DGCR8: variants seen among roughly 807,000 people sequenced by gnomAD.
The protein encoded by DGCR8 is DGCR8 microprocessor complex subunit.
Under a neutral mutation model 78.5 loss-of-function variants are expected in DGCR8, and 14 were observed. The ratio of observed to expected loss-of-function variants is 0.18; its 90% CI spans 0.12 to 0.28. DGCR8 has a LOEUF of 0.28. DGCR8 is among the 10% of genes least tolerant of loss of function. DGCR8 has a pLI of 1.00. For synonymous variants in DGCR8, 399 were observed against 402.4 expected, an observed-to-expected ratio of 0.99 and a Z score of 0.10; for missense variants, 702 against 1,022.5, an observed-to-expected ratio of 0.69 and a Z score of 4.28.
chr22:20,081,616 G>A (rs2049419134), intron 1 of DGCR8, among the ~76,000 whole-genome samples: 1 of 152,172 alleles, frequency 6.6e-6, no homozygotes, highest in South Asian at 2.1e-4. Context: ...TCTTGTTGTA[G>A]CCCTCTCCTT....
intron 3 of DGCR8, among the ~76,000 whole-genome samples, chr22:20,088,013 G>A (rs1264808353): frequency 6.6e-6 from 1 of 152,094 alleles, no homozygotes; most frequent in Non-Finnish European, 1.5e-5. Flanking sequence ...TCGGTAGAGG[G>A]ACTGAAGAGA....
chr22:20,106,084 C>T, intron 9 of DGCR8, 93 bp from the exon 10 acceptor site: 2 of 950,532 alleles, frequency 2.1e-6, no homozygotes, highest in Non-Finnish European at 3.4e-6. Context: ...CAAGAACAGA[C>T]ATTAAGCATC....
intron 9 of DGCR8, among the ~76,000 whole-genome samples, chr22:20,104,263 C>T (rs2049743390): frequency 6.6e-6 from 1 of 151,544 alleles, no homozygotes; most frequent in South Asian, 2.1e-4. Context: ...TTCCCGGGTT[C>T]ACGCCATTCT....
At chr22:20,101,638 G>A (rs535343729) in intron 9 of DGCR8, 23 of 985,448 alleles carry the variant, frequency 2.3e-5, no homozygotes, top group Non-Finnish European at 2.8e-5. Flanking sequence ...CTGTCAGAGG[G>A]GAAAGTAGCT....
intron 9 of DGCR8, among the ~76,000 whole-genome samples, chr22:20,103,490 C>T (rs981496355): frequency 6.6e-6 from 1 of 152,134 alleles, no homozygotes; most frequent in Non-Finnish European, 1.5e-5. Context: ...CAGTTTTCTT[C>T]TCTAATTTGT....
At chr22:20,107,098 TG>T in intron 11 of DGCR8, 172 bp from the exon 12 acceptor site, 1 of 679,284 alleles carries the variant, frequency 1.5e-6, no homozygotes, top group Non-Finnish European at 2.6e-6. Flanking sequence ...AGGTGGCAGC[TG>T]GGTACTGTGA....
At chr22:20,102,374 G>A (rs1000414591) in intron 9 of DGCR8, among the ~76,000 whole-genome samples, 8 of 152,138 alleles carry the variant, frequency 5.3e-5, no homozygotes, top group South Asian at 2.1e-4. Flanking sequence ...TGACGCATCC[G>A]TCGTGTGGTC....
chr22:20,080,420 G>C, intron 1 of DGCR8, 37 bp downstream of exon 1: 1 of 978,440 alleles, frequency 1.0e-6, no homozygotes, highest in Non-Finnish European at 1.2e-6. Flanking sequence ...GCGGGCGGTT[G>C]GGCGGGCGCC....
At chr22:20,091,703 A>G (rs1257558926) in intron 6 of DGCR8, 71 bp downstream of exon 6, 19 of 1,572,644 alleles carry the variant, frequency 1.2e-5, no homozygotes, top group East Asian at 2.3e-5. Context: ...TGTTGAGGGC[A>G]TGTTTTATGA....
chr22:20,107,247 C>T, intron 11 of DGCR8, 24 bp from the exon 12 acceptor site: 1 of 1,614,050 alleles, frequency 6.2e-7, no homozygotes, highest in Non-Finnish European at 8.5e-7. Context: ...ACCCCCTCTC[C>T]ATGCTTGCTC....
chr22:20,094,813 G>C lies in DGCR8; in HGVS notation c.1788+18G>C, dbSNP rs528470529. On this transcript the variant is annotated intron_variant, in intron 9 of 13. Transcript: ENST00000351989. ...AACTCGAGGTGAGTGTTGTGGTCCT[G>C]CCCTGCTGGGAGCTGTGTGTGCAGT... The C allele has an allele frequency of 3.6e-5, 58 of 1,610,884 alleles. 1 individual carries two copies. In the South Asian group the frequency reaches 5.4e-4, roughly 15 times the overall value.
In DGCR8 at chr22:20,089,272, G is replaced by A. The variant is rs1312915999; in HGVS notation, c.881-397G>A. Among the ~76,000 whole-genome samples the A allele has an allele frequency of 3.3e-5, 5 of 152,208 alleles. No homozygotes were observed. The highest frequency in any genetic ancestry group is 5.9e-5 in the Non-Finnish European group (4 of 68,042). ...TAAAGACTTGTCACCTGGTCACTGG[G>A]AGCAGTGGCTGACAGCCATGCAGTT... is the stretch of plus-strand genomic sequence containing the variant. On this transcript the variant is annotated intron_variant, in intron 3 of 13. Transcript: ENST00000351989. This position sits in a 1 kb window ranked among gnomAD's most constrained non-coding sequence, Gnocchi z 4.9.
chr22:20,086,737 T>A lies in DGCR8; in HGVS notation c.720+54T>A, dbSNP rs2049488737. On this transcript the variant is annotated intron_variant, in intron 2 of 13. Transcript: ENST00000351989. This position sits in a 1 kb window ranked among gnomAD's most constrained non-coding sequence, Gnocchi z 6.4. ...CTCTTAGCAAAACCCAAAGAGAGAT[T>A]TGGGAATTGCAGCATCTTTTGAAAG... 6 of 1,501,952 alleles carry A rather than the reference T, an allele frequency of 4.0e-6. No homozygotes were observed. In the South Asian group the frequency reaches 6.5e-5, roughly 16 times the overall value. 93.0% of individuals were successfully genotyped at this position (1,501,952 alleles called of 1,614,324 possible).
intron 9 of DGCR8, 132 bp downstream of exon 9, chr22:20,094,927 C>A: frequency 2.9e-6 from 2 of 685,846 alleles, no homozygotes; most frequent in Non-Finnish European, 5.1e-6. Flanking sequence ...CTCATCCAGC[C>A]TCCAGGTTCT....
At chr22:20,103,684 C>T (rs970141762) in intron 9 of DGCR8, among the ~76,000 whole-genome samples, 1 of 152,124 alleles carries the variant, frequency 6.6e-6, no homozygotes, top group African/African-American at 2.4e-5. Flanking sequence ...AAGTAGCCCT[C>T]CTCCTGAGTT....
chr22:20,108,884 T>C lies in DGCR8; in HGVS notation c.2125-6T>C, dbSNP rs1219271103. ...AGTCCTGAGCGTGAGGTGCTATACT[T>C]CCCAGGAGACATCGGACAAGAGTGT... On this transcript the variant is annotated splice_region_variant and splice_polypyrimidine_tract_variant and intron_variant, in intron 12 of 13. Transcript: ENST00000351989. 6.6e-7 allele frequency: 1 copy of C among 1,512,526 alleles called. No homozygotes were observed. Among genetic ancestry groups the C allele is most frequent in the African/African-American group, 1.4e-5 (1 of 72,640 alleles). The allele number at this position is 1,512,526 out of a possible 1,614,324, so 93.7% of individuals were successfully genotyped here.
rs2049569133 is a variant in DGCR8 at position 20,091,928 on chromosome 22, C to T, written c.1564C>T (p.Arg522Cys). The stretch of plus-strand genomic sequence containing the variant: ...CTGCATCCTGCACGAGTACATGCAG[C>T]GTGTCCTCAAGGTCCGCCCTGTCTA... ...EVCILHEYMQ[R>C]VLKVRPVYNF... Residue 522 changes from arginine to cysteine, a missense_variant, in exon 7 of 14, where the codon CGT becomes TGT. Physicochemically the swap from Arg to Cys is radical, Grantham distance 180. Around this residue, in one of 4 missense-constraint regions of DGCR8, gnomAD observed 225 missense variants for 427.7 expected, o/e 0.53. Coordinates refer to ENST00000351989, the MANE Select transcript of DGCR8 (RefSeq NM_022720.7). 6.2e-7 allele frequency: 1 copy of T among 1,614,128 alleles called. No homozygotes were observed. The highest frequency in any genetic ancestry group is 8.5e-7 in the Non-Finnish European group (1 of 1,180,002).
intron 11 of DGCR8, 185 bp from the exon 12 acceptor site, chr22:20,107,086 C>G: frequency 3.1e-6 from 2 of 646,764 alleles, no homozygotes; most frequent in Non-Finnish European, 5.4e-6. Flanking sequence ...GCCACTCTCT[C>G]AAGGTGGCAG....
In DGCR8 at chr22:20,086,822, T is replaced by C; in HGVS notation, c.720+139T>C. 9.4e-7 allele frequency: 1 copy of C among 1,058,668 alleles called. No individual in the cohort carries two copies. 65.6% of individuals were successfully genotyped at this position (1,058,668 alleles called of 1,614,324 possible). ...AATCCCCTCTGAGGTGGAATAATGT[T>C]AATGTGGAGAAGAGAAAGATGTAAG... is the stretch of plus-strand genomic sequence containing the variant. On this transcript the variant is annotated intron_variant, in intron 2 of 13. Coordinates refer to ENST00000351989, the MANE Select transcript of DGCR8 (RefSeq NM_022720.7). The surrounding 1 kb of genome is among the most constrained non-coding windows in gnomAD (Gnocchi z 6.4).
Sources: allele counts gnomAD v4.1 joint callset (sites outside exome capture counted in the v4.1 genomes callset), GRCh38; gene constraint gnomAD v4.1.1; regional missense constraint gnomAD v4.1.1; non-coding constraint Gnocchi (gnomAD v3.1); transcripts MANE v1.5; gene names NCBI Gene and HGNC (gene_info 2026-07-23, HGNC 2026-07-21).